The following STK32C variants were observed in gnomAD, a reference collection of about 807,000 sequenced individuals.
The protein encoded by STK32C is serine/threonine kinase 32C, also known as serine/threonine-protein kinase 32C.
STK32C carries 31 observed loss-of-function variants against 56.5 expected under a neutral mutation model. The ratio of observed to expected loss-of-function variants is 0.55; its 90% CI spans 0.41 to 0.74. STK32C has a LOEUF of 0.74. Among genes scored for constraint, STK32C ranks in the 30% least tolerant of loss-of-function variants. STK32C has a pLI of 0.00. For missense variants in STK32C, 544 were observed against 676.9 expected, an observed-to-expected ratio of 0.80 and a Z score of 2.18; for synonymous variants, 309 against 289.4, an observed-to-expected ratio of 1.07 and a Z score of -0.69.
chr10:132,331,655 G>T, exon 1 of STK32C: 1 of 1,612,876 alleles, frequency 6.2e-7, no homozygotes, highest in Non-Finnish European at 8.5e-7. Flanking sequence ...TGGTGCCTCA[G>T]CAGCAATTCT....
At chr10:132,274,605 C>T (rs976956205) in intron 1 of STK32C, among the ~76,000 whole-genome samples, 8 of 152,258 alleles carry the variant, frequency 5.3e-5, no homozygotes, top group Middle Eastern at 3.2e-3. Context: ...AGAGCCTCCC[C>T]TGCCCTCAGC....
intron 1 of STK32C, among the ~76,000 whole-genome samples, chr10:132,288,604 A>C (rs2065480640): frequency 6.6e-6 from 1 of 152,258 alleles, no homozygotes. Context: ...AAAATGTGTG[A>C]ATTTTATGTA....
At chr10:132,294,895 T>C (rs1458798444) in intron 1 of STK32C, among the ~76,000 whole-genome samples, 1 of 152,086 alleles carries the variant, frequency 6.6e-6, no homozygotes, top group African/African-American at 2.4e-5. Flanking sequence ...CTTTGTTTCA[T>C]CGTGATCTGT....
intron 1 of STK32C, among the ~76,000 whole-genome samples, chr10:132,305,836 C>T (rs1248630143): frequency 6.6e-6 from 1 of 152,226 alleles, no homozygotes; most frequent in Non-Finnish European, 1.5e-5. Flanking sequence ...GTCTTGCCCT[C>T]CTGATTTCAC....
chr10:132,325,627 C>T (rs549768269), intron 1 of STK32C, among the ~76,000 whole-genome samples: 113 of 152,166 alleles, frequency 7.4e-4, no homozygotes, highest in African/African-American at 2.7e-3. Flanking sequence ...CTTGCTCCTC[C>T]TTGCCTTCCG....
downstream of STK32C, among the ~76,000 whole-genome samples, chr10:132,320,303 T>C (rs2066379782): frequency 6.6e-6 from 1 of 151,702 alleles, no homozygotes; most frequent in African/African-American, 2.4e-5. Context: ...GGGCAGACTG[T>C]GATTAGTCAT....
intron 10 of STK32C, among the ~76,000 whole-genome samples, chr10:132,218,430 A>G (rs2062535183): frequency 6.6e-6 from 1 of 152,252 alleles, no homozygotes; most frequent in Non-Finnish European, 1.5e-5. Flanking sequence ...CTCTAGACAC[A>G]ATGCCTGATA....
intron 1 of STK32C, among the ~76,000 whole-genome samples, chr10:132,304,617 G>A (rs1035691091): frequency 6.6e-6 from 1 of 152,244 alleles, no homozygotes; most frequent in Non-Finnish European, 1.5e-5. Context: ...AAAAGGCTGG[G>A]AGGTGACACC....
intron 1 of STK32C, among the ~76,000 whole-genome samples, chr10:132,279,989 C>T (rs187349761): frequency 8.0e-4 from 112 of 140,200 alleles, no homozygotes; most frequent in African/African-American, 2.7e-3. Flanking sequence ...CCCGTGACCA[C>T]GCCCCTGCAC....
chr10:132,277,914 G>A (rs1346358048), intron 1 of STK32C, among the ~76,000 whole-genome samples: 1 of 152,202 alleles, frequency 6.6e-6, no homozygotes, highest in Non-Finnish European at 1.5e-5. Flanking sequence ...TCACCTGGGA[G>A]AGGGTCTTTC....
intron 1 of STK32C, among the ~76,000 whole-genome samples, chr10:132,288,890 T>A (rs2138287958): frequency 6.6e-6 from 1 of 152,222 alleles, no homozygotes; most frequent in East Asian, 1.9e-4. Context: ...TAAAACTGAG[T>A]TATATTTCTA....
chr10:132,278,282 T>C (rs959948283), intron 1 of STK32C, among the ~76,000 whole-genome samples: 3 of 151,930 alleles, frequency 2.0e-5, no homozygotes, highest in African/African-American at 7.3e-5. Context: ...ATGCCATGCC[T>C]CCGTGAGTTC....
chr10:132,312,875 A>G (rs2066246583), upstream of STK32C, among the ~76,000 whole-genome samples: 1 of 152,186 alleles, frequency 6.6e-6, no homozygotes, highest in Admixed American at 6.5e-5. Context: ...CTCTACCTCT[A>G]CTAAAAATAC....
At position 132,301,434 on chromosome 10, in the gene STK32C, G is replaced by A. The variant is rs183417556; in HGVS notation, c.262+6138C>T. Reference sequence around the variant, plus strand: ...GAGTGGTCCTGCAGGGCCTGGCCTGGAACCCGGGTTCCTCCCTAGGAGGGT... The same window carrying A: ...GAGTGGTCCTGCAGGGCCTGGCCTGAAACCCGGGTTCCTCCCTAGGAGGGT... On this transcript the variant is annotated intron_variant, in intron 1 of 11. Coordinates refer to ENST00000298630, the MANE Select transcript of STK32C (RefSeq NM_173575.4). 5.3e-3 allele frequency among the ~76,000 whole-genome samples: 808 copies of A among 152,280 alleles called. 4 individuals are homozygous for A. The highest frequency in any genetic ancestry group is 8.7e-3 in the Non-Finnish European group (591 of 68,014).
intron 1 of STK32C, among the ~76,000 whole-genome samples, chr10:132,282,124 T>C (rs1416906189): frequency 6.6e-6 from 1 of 152,096 alleles, no homozygotes; most frequent in Non-Finnish European, 1.5e-5. Context: ...CGCTACATTG[T>C]GTAACACTCA....
At chr10:132,219,980 C>T (rs11813943) in intron 10 of STK32C, among the ~76,000 whole-genome samples, 4,028 of 152,234 alleles carry the variant, frequency 0.026, 180 homozygotes, top group African/African-American at 0.091. Flanking sequence ...CACCGTCACC[C>T]TGACATCAAC....
Position 132,228,119 on chromosome 10 carries a change from C to A in STK32C, c.328G>T (p.Val110Leu). ...ATCTTCTCCGTGTCCCGCTTCTGCACAATGCACACCTGGAGGGCACAGGGC... is the reference window on the plus strand; with the variant it reads ...ATCTTCTCCGTGTCCCGCTTCTGCAAAATGCACACCTGGAGGGCACAGGGC... ...GKGSFGKVCI[V>L]QKRDTEKMYA... Residue 110 changes from valine (V) to leucine (L), a missense_variant, in exon 3 of 12, where the codon GTG becomes TTG. Physicochemically the swap from Val to Leu is conservative, Grantham distance 32. Coordinates refer to ENST00000298630, the MANE Select transcript of STK32C (RefSeq NM_173575.4). 2 of 1,613,988 alleles carry A rather than the reference C, an allele frequency of 1.2e-6. No individual in the cohort carries two copies. Among genetic ancestry groups the A allele is most frequent in the Non-Finnish European group, 1.7e-6 (2 of 1,180,022 alleles).
chr10:132,308,403 C>T (rs571182116), upstream of STK32C, among the ~76,000 whole-genome samples: 24 of 152,296 alleles, frequency 1.6e-4, no homozygotes, highest in South Asian at 5.0e-3. Context: ...AAACAGCCGG[C>T]GCGCGGGCTT....
intron 10 of STK32C, 63 bp downstream of exon 10, chr10:132,222,578 G>A (rs1430895213): frequency 8.8e-6 from 14 of 1,584,694 alleles, no homozygotes; most frequent in African/African-American, 8.1e-5. Flanking sequence ...CGCCTTGCTC[G>A]GTGGTAGAGA....
Sources: allele counts gnomAD v4.1 joint callset (sites outside exome capture counted in the v4.1 genomes callset), GRCh38; gene constraint gnomAD v4.1.1; transcripts MANE v1.5; gene names NCBI Gene and HGNC (gene_info 2026-07-23, HGNC 2026-07-21).